HEMK2: variants seen among roughly 807,000 people sequenced by gnomAD.
The protein encoded by HEMK2 is HemK methyltransferase 2, ETF1 glutamine and histone H4 lysine, also known as methyltransferase HEMK2.
chr21:28,805,365 G>A, the HEMK2 span, among the ~76,000 whole-genome samples: 3 of 152,100 alleles, frequency 2.0e-5, no homozygotes, highest in Non-Finnish European at 4.4e-5. Context: ...TATATTATTG[G>A]TTATTATATG....
At chr21:28,780,551 TCTG>T in the HEMK2 span, among the ~76,000 whole-genome samples, 1 of 151,810 alleles carries the variant, frequency 6.6e-6, no homozygotes, top group East Asian at 1.9e-4. Context: ...GACCTCATGA[TCTG>T]CCCGCCTTGG....
the HEMK2 span, among the ~76,000 whole-genome samples, chr21:28,747,720 G>A: frequency 2.6e-5 from 4 of 152,220 alleles, no homozygotes; most frequent in African/African-American, 9.6e-5. Context: ...TGTATCCTTT[G>A]CACCAACGTG....
At chr21:28,868,937 T>C in the HEMK2 span, among the ~76,000 whole-genome samples, 25 of 152,214 alleles carry the variant, frequency 1.6e-4, no homozygotes, top group Non-Finnish European at 2.9e-5. Context: ...CTGTTAGTGA[T>C]GACAATTTTG....
chr21:28,615,738 T>C, the HEMK2 span, among the ~76,000 whole-genome samples: 1 of 152,190 alleles, frequency 6.6e-6, no homozygotes, highest in Non-Finnish European at 1.5e-5. Context: ...TGGTATGGAA[T>C]GCCATGTTTG....
chr21:28,594,059 C>T, the HEMK2 span, among the ~76,000 whole-genome samples: 4,109 of 152,274 alleles, frequency 0.027, 81 homozygotes, highest in Non-Finnish European at 0.043. Context: ...ATGAGAATGG[C>T]ATTTTACCTC....
chr21:28,863,036 C>G, the HEMK2 span, among the ~76,000 whole-genome samples: 3 of 151,990 alleles, frequency 2.0e-5, no homozygotes, highest in Admixed American at 2.0e-4. Context: ...ATGGTTAATA[C>G]TGAGTGTCAA....
At chr21:28,788,264 A>G in the HEMK2 span, among the ~76,000 whole-genome samples, 1 of 144,108 alleles carries the variant, frequency 6.9e-6, no homozygotes, top group Non-Finnish European at 1.5e-5. Context: ...GTATACATAT[A>G]TATTCCATCA....
chr21:28,714,500 A>G, the HEMK2 span, among the ~76,000 whole-genome samples: 11 of 152,342 alleles, frequency 7.2e-5, no homozygotes, highest in African/African-American at 2.2e-4. Flanking sequence ...AGTAGGAAAA[A>G]TCAGCTCCAG....
At chr21:28,633,807 G>C in the HEMK2 span, among the ~76,000 whole-genome samples, 1 of 152,108 alleles carries the variant, frequency 6.6e-6, no homozygotes, top group African/African-American at 2.4e-5. Context: ...AATAAGCACT[G>C]TACACTATGC....
chr21:28,705,424 G>C, the HEMK2 span, among the ~76,000 whole-genome samples: 1 of 152,008 alleles, frequency 6.6e-6, no homozygotes, highest in African/African-American at 2.4e-5. Context: ...TAGAAGGAAA[G>C]ACTTAGAAAT....
At chr21:28,877,424 AAG>A in the HEMK2 span, among the ~76,000 whole-genome samples, 18 of 151,442 alleles carry the variant, frequency 1.2e-4, no homozygotes, top group African/African-American at 1.4e-4. Flanking sequence ...GAAGGAAAGA[AAG>A]AGAGAGAGAA....
chr21:28,876,829 T>A, the HEMK2 span, among the ~76,000 whole-genome samples: 1 of 152,082 alleles, frequency 6.6e-6, no homozygotes, highest in Non-Finnish European at 1.5e-5. Context: ...TATGTCTTTC[T>A]CTTTGGATGA....
the HEMK2 span, among the ~76,000 whole-genome samples, chr21:28,772,007 C>T: frequency 6.6e-6 from 1 of 152,020 alleles, no homozygotes; most frequent in Admixed American, 6.6e-5. Flanking sequence ...TAACTTGATG[C>T]CAGCCTGAAA....
chr21:28,740,446 C>T, the HEMK2 span, among the ~76,000 whole-genome samples: 1 of 152,182 alleles, frequency 6.6e-6, no homozygotes, highest in Admixed American at 6.5e-5. Flanking sequence ...CAGATTTCAG[C>T]CTACTTTACA....
At chr21:28,718,919 G>A in the HEMK2 span, among the ~76,000 whole-genome samples, 2 of 152,142 alleles carry the variant, frequency 1.3e-5, no homozygotes, top group Admixed American at 1.3e-4. Context: ...ATTGTGCACA[G>A]CAAGCTTAGG....
At chr21:28,656,542 T>A in the HEMK2 span, among the ~76,000 whole-genome samples, 51 of 151,938 alleles carry the variant, frequency 3.4e-4, no homozygotes, top group African/African-American at 1.1e-3. Flanking sequence ...ACAACCAACC[T>A]AGCACAGTCC....
chr21:28,685,961 C>T, the HEMK2 span, among the ~76,000 whole-genome samples: 30,026 of 152,102 alleles, frequency 0.2, 3,185 homozygotes, highest in East Asian at 0.38. Flanking sequence ...ACAAACAGTA[C>T]ATCCTTGTGA....
At chr21:28,882,279 T>G in the HEMK2 span, 1 of 1,548,308 alleles carries the variant, frequency 6.5e-7, no homozygotes, top group Non-Finnish European at 8.9e-7. Context: ...GGAAACTATA[T>G]CCTATGTCCA....
the HEMK2 span, among the ~76,000 whole-genome samples, chr21:28,820,885 C>T: frequency 7.7e-4 from 117 of 152,260 alleles, no homozygotes; most frequent in Non-Finnish European, 4.4e-5. Context: ...GTTTTACCTC[C>T]TATGTGAAAT....
Sources: allele counts gnomAD v4.1 joint callset (sites outside exome capture counted in the v4.1 genomes callset), GRCh38; gene constraint gnomAD v4.1.1; transcripts MANE v1.5; gene names NCBI Gene and HGNC (gene_info 2026-07-23, HGNC 2026-07-21).